The following MKLN1 variants were observed in gnomAD, a reference collection of about 807,000 sequenced individuals.
MKLN1 encodes muskelin 1, also known as muskelin.
Under a neutral mutation model 99.0 loss-of-function variants are expected in MKLN1, and 18 were observed. The ratio of observed to expected loss-of-function variants is 0.18; its 90% CI spans 0.13 to 0.27. The LOEUF (loss-of-function observed/expected upper bound fraction) is 0.27. Among genes scored for constraint, MKLN1 ranks in the 10% least tolerant of loss-of-function variants. The pLI is 1.00. For synonymous variants in MKLN1, 288 were observed against 293.2 expected (o/e 0.98, Z 0.18); for missense variants, 621 against 875.9 (o/e 0.71, Z 3.67).
chr7:131,154,999 A>C (rs1460391998), intron 2 of MKLN1, among the ~76,000 whole-genome samples: 2 of 152,164 alleles, frequency 1.3e-5, no homozygotes, highest in African/African-American at 4.8e-5. Context: ...AGACATTTAC[A>C]CTGACATAGT....
chr7:131,187,746 T>C (rs1207725003), intron 2 of MKLN1, among the ~76,000 whole-genome samples: 1 of 152,148 alleles, frequency 6.6e-6, no homozygotes. Context: ...GTCCAGGAGT[T>C]TGAGGCCACT....
chr7:131,417,234 A>G (rs1563337661), intron 8 of MKLN1, among the ~76,000 whole-genome samples: 1 of 152,220 alleles, frequency 6.6e-6, no homozygotes. Context: ...ATAGAAAGCT[A>G]CAGAAGTACT....
At chr7:131,314,210 C>G (rs141483678) in intron 3 of MKLN1, among the ~76,000 whole-genome samples, 1 of 152,094 alleles carries the variant, frequency 6.6e-6, no homozygotes, top group South Asian at 2.1e-4. Context: ...TCAGGCGACA[C>G]GATACAAAAG....
In MKLN1 at chr7:131,356,015, G is replaced by A. The variant is rs116960013; in HGVS notation, c.99-19409G>A. Reference sequence around the variant, plus strand: ...ACAGTTTTAGATTTACTAAAATATCGAGCATGTAATACAGAGAGTTTGTAT... The same window carrying A: ...ACAGTTTTAGATTTACTAAAATATCAAGCATGTAATACAGAGAGTTTGTAT... On this transcript the variant is annotated intron_variant, in intron 1 of 17. Transcript: ENST00000352689. Among the ~76,000 whole-genome samples the A allele has an allele frequency of 4.8e-3, 712 of 149,250 alleles. 2 individuals carry two copies. The highest frequency in any genetic ancestry group is 6.9e-3 in the Non-Finnish European group (466 of 67,612).
At position 131,341,903 on chromosome 7, in the gene MKLN1, G is replaced by A. The variant is rs112875109; in HGVS notation, c.98+13906G>A. Among the ~76,000 whole-genome samples, 560 of 152,336 alleles carry A rather than the reference G, an allele frequency of 3.7e-3. 5 individuals carry two copies. The highest frequency in any genetic ancestry group is 0.013 in the African/African-American group (537 of 41,578). The stretch of plus-strand genomic sequence containing the variant: ...GCTAACCCACCGCCACTCACCTCCT[G>A]CTGTGCATCTCAGTTCCTTACAGGA... On this transcript the variant is annotated intron_variant, in intron 1 of 17. Coordinates refer to ENST00000352689, the MANE Select transcript of MKLN1 (RefSeq NM_013255.5).
intron 1 of MKLN1, among the ~76,000 whole-genome samples, chr7:131,368,227 A>C (rs1800240205): frequency 6.6e-6 from 1 of 152,160 alleles, no homozygotes; most frequent in South Asian, 2.1e-4. Context: ...AACAGTCTAG[A>C]TCTTACTTTA....
In MKLN1 at chr7:131,353,535, G is replaced by A. The variant is rs578113278; in HGVS notation, c.99-21889G>A. ...GTGTATGTTTTAGGTCTTTTGTTGC[G>A]TATGTAGTTCGGAAATACGTTCTCC... On this transcript the variant is annotated intron_variant, in intron 1 of 17. Transcript: ENST00000352689. Among the ~76,000 whole-genome samples the A allele has an allele frequency of 9.2e-4, 140 of 152,078 alleles. 2 individuals carry two copies. The highest frequency in any genetic ancestry group is 9.1e-3 in the South Asian group (44 of 4,828).
chr7:131,316,338 T>G (rs908581231), intron 3 of MKLN1, among the ~76,000 whole-genome samples: 4 of 152,172 alleles, frequency 2.6e-5, no homozygotes, highest in African/African-American at 7.2e-5. Flanking sequence ...TTTAGCAAAC[T>G]GCAGCAGACT....
At chr7:131,283,257 A>G (rs761531341) in intron 3 of MKLN1, among the ~76,000 whole-genome samples, 8 of 152,104 alleles carry the variant, frequency 5.3e-5, no homozygotes, top group Non-Finnish European at 1.2e-4. Flanking sequence ...TTAATAAATA[A>G]TAACGGCTTG....
intron 1 of MKLN1, among the ~76,000 whole-genome samples, chr7:131,141,241 CA>C (rs1795728168): frequency 1.3e-5 from 2 of 152,198 alleles, no homozygotes; most frequent in South Asian, 4.1e-4. Context: ...ATTTCTAGAT[CA>C]AACTGCTTGC....
chr7:131,365,343 T>C (rs542344701), intron 1 of MKLN1, among the ~76,000 whole-genome samples: 21 of 152,220 alleles, frequency 1.4e-4, no homozygotes, highest in Non-Finnish European at 3.1e-4. Context: ...ATGCTGTATA[T>C]TAGACCTTTG....
chr7:131,428,971 G>A, intron 8 of MKLN1, 62 bp from the exon 9 acceptor site: 2 of 1,356,262 alleles, frequency 1.5e-6, no homozygotes, highest in Non-Finnish European at 2.1e-6. Flanking sequence ...AGCTGGCTAG[G>A]TTTGGGTGCT....
Position 131,243,006 on chromosome 7 carries a change from C to A in MKLN1, c.-179+40032C>A, listed in dbSNP as rs1310460968. ...CTTCCAGAAGCTGCGGTTTTAGATG[C>A]TTCGTTTTGGTCATTAAAAATTAAA... On this transcript the variant is annotated intron_variant, in intron 3 of 7. Transcript: ENST00000416992. 1.2e-5 allele frequency: 7 copies of A among 592,316 alleles called. No homozygotes were observed. The Admixed American group carries it at 1.4e-4, about 12-fold the overall frequency. The allele number at this position is 592,316 out of a possible 1,614,324, so 36.7% of individuals were successfully genotyped here. A position where few individuals can be genotyped will look rare whatever the true frequency, so the allele number is the denominator to read the frequency against.
rs1041737966 is a variant in MKLN1, at chr7:131,488,796, A to G, written c.*1068A>G. 1 of 152,152 alleles carries G rather than the reference A, an allele frequency of 6.6e-6. No individual in the cohort carries two copies. The highest frequency in any genetic ancestry group is 1.5e-5 in the Non-Finnish European group (1 of 68,018). 9.4% of individuals were successfully genotyped at this position (152,152 alleles called of 1,614,324 possible). On this transcript the variant is annotated 3_prime_UTR_variant, in exon 18 of 18. Transcript: ENST00000352689. ...GTTTGTGGTTGTCCAGTGGTATACA[A>G]CTGACAGGCATTTCATTAAGCACAT...
intron 1 of MKLN1, among the ~76,000 whole-genome samples, chr7:131,331,268 C>T (rs184719430): frequency 2.0e-4 from 31 of 152,218 alleles, no homozygotes; most frequent in African/African-American, 6.5e-4. Flanking sequence ...CAGAGGCTTG[C>T]CAGGTTTTCT....
chr7:131,465,791 G>A (rs891764239), intron 14 of MKLN1, among the ~76,000 whole-genome samples: 7 of 151,982 alleles, frequency 4.6e-5, no homozygotes, highest in African/African-American at 1.2e-4. Context: ...CGCCTGCCTC[G>A]GCCTCCCAAA....
At chr7:131,381,384 A>G (rs1474017703) in intron 2 of MKLN1, among the ~76,000 whole-genome samples, 2 of 152,180 alleles carry the variant, frequency 1.3e-5, no homozygotes, top group African/African-American at 2.4e-5. Context: ...TCTTTAAAGC[A>G]TTTATGGGAT....
intron 2 of MKLN1, among the ~76,000 whole-genome samples, chr7:131,167,603 T>C (rs1240782638): frequency 6.6e-6 from 1 of 150,430 alleles, no homozygotes; most frequent in Non-Finnish European, 1.5e-5. Flanking sequence ...GCCTGGGAGG[T>C]TGAGGCTGCA....
intron 3 of MKLN1, among the ~76,000 whole-genome samples, chr7:131,231,156 A>G (rs1487077448): frequency 6.9e-6 from 1 of 145,370 alleles, no homozygotes; most frequent in East Asian, 2.1e-4. Context: ...TTTAAATCTG[A>G]TGGGCCTGGC....
Sources: allele counts gnomAD v4.1 joint callset (sites outside exome capture counted in the v4.1 genomes callset), GRCh38; gene constraint gnomAD v4.1.1; transcripts MANE v1.5; gene names NCBI Gene and HGNC (gene_info 2026-07-23, HGNC 2026-07-21).